The following SPAG17 variants were observed in gnomAD, a reference collection of about 807,000 sequenced individuals.
SPAG17 encodes sperm associated antigen 17.
SPAG17 carries 169 observed loss-of-function variants against 273.6 expected under a neutral mutation model. The ratio of observed to expected loss-of-function variants is 0.62; its 90% confidence interval spans 0.55 to 0.70. SPAG17 has a LOEUF of 0.70. Ranked by LOEUF, SPAG17 falls within the 30% of genes least tolerant of loss-of-function variation. The probability of loss-of-function intolerance (pLI) is 0.00; values close to 1 mark genes in which losing one functional copy is unlikely to be tolerated. For synonymous variants in SPAG17, 825 were observed against 873.2 expected (o/e 0.94, Z 0.97); for missense variants, 2,557 against 2,627.8 (o/e 0.97, Z 0.59).
rs138844983 is a variant in SPAG17, at chr1:118,165,044, A to T, written c.88-13675T>A. 1.2e-3 allele frequency among the ~76,000 whole-genome samples: 189 copies of T among 152,190 alleles called. 1 individual carries two copies. Among genetic ancestry groups the T allele is most frequent in the African/African-American group, 4.4e-3 (183 of 41,512 alleles). On this transcript the variant is annotated intron_variant, in intron 1 of 48. Transcript: ENST00000336338. ...TGCCTCACCTGTGACTATTTCCCTA[A>T]GTGTCTCAGCCCAACAGTGTCCTCT...
chr1:118,089,332 C>CGTGTGTGTGTGTGTGTGTGTGTGT (rs72374195), intron 10 of SPAG17, among the ~76,000 whole-genome samples: 1,810 of 135,922 alleles, frequency 0.013, 34 homozygotes, highest in African/African-American at 0.04. Flanking sequence ...ATGTAGATGA[C>CGTGTGTGTGTGTGTGTGTGTGTGT]GTGTGTGTGT....
intron 46 of SPAG17, among the ~76,000 whole-genome samples, chr1:117,967,618 C>G (rs926571609): frequency 3.3e-4 from 50 of 152,158 alleles, no homozygotes; most frequent in African/African-American, 1.1e-3. Context: ...AATAATGAAA[C>G]CAGTAGAGGG....
chr1:118,121,374 A>G (rs1278330700), intron 3 of SPAG17, among the ~76,000 whole-genome samples: 1 of 152,082 alleles, frequency 6.6e-6, no homozygotes, highest in Non-Finnish European at 1.5e-5. Flanking sequence ...TTAGTGATAT[A>G]TATCAGGGGG....
At chr1:118,090,159 C>CA (rs1185889659) in intron 10 of SPAG17, among the ~76,000 whole-genome samples, 1 of 152,186 alleles carries the variant, frequency 6.6e-6, no homozygotes, top group Admixed American at 6.5e-5. Context: ...CTGAAGATTA[C>CA]ATGAGTTAAC....
At chr1:118,016,888 T>C (rs1217123404) in intron 28 of SPAG17, among the ~76,000 whole-genome samples, 1 of 152,220 alleles carries the variant, frequency 6.6e-6, no homozygotes, top group African/African-American at 2.4e-5. Context: ...ACATACTCCA[T>C]TTCCATGAAT....
At chr1:117,988,343 C>A in intron 38 of SPAG17, 139 bp from the exon 39 acceptor site, 1 of 508,234 alleles carries the variant, frequency 2.0e-6, no homozygotes. Context: ...ACTTACATGA[C>A]CAAGCTGTAA....
At chr1:117,992,761 A>G in intron 35 of SPAG17, 113 bp from the exon 36 acceptor site, 1 of 934,292 alleles carries the variant, frequency 1.1e-6, no homozygotes, top group South Asian at 2.5e-5. Flanking sequence ...TTTTAGGGAC[A>G]CAGTGGTGAA....
At chr1:118,101,203 C>T (rs952289005) in intron 5 of SPAG17, among the ~76,000 whole-genome samples, 3 of 152,044 alleles carry the variant, frequency 2.0e-5, no homozygotes, top group Admixed American at 6.5e-5. Flanking sequence ...TCACTTGAGC[C>T]CAGGTGTTCA....
chr1:118,083,560 G>A (rs1469102845), intron 13 of SPAG17, among the ~76,000 whole-genome samples: 2 of 152,048 alleles, frequency 1.3e-5, no homozygotes. Context: ...ACCGAGGTGG[G>A]TATATCACGA....
chr1:117,963,677 TC>T (rs1653418483), intron 48 of SPAG17, 121 bp downstream of exon 48: 3 of 914,900 alleles, frequency 3.3e-6, no homozygotes, highest in African/African-American at 3.3e-5. Flanking sequence ...ACAAATATTT[TC>T]ATTCATTCAG....
chr1:118,060,756 C>G (rs1441423944), intron 18 of SPAG17, among the ~76,000 whole-genome samples: 1 of 152,156 alleles, frequency 6.6e-6, no homozygotes, highest in African/African-American at 2.4e-5. Context: ...AAGACTATCT[C>G]TCCTTCATTT....
intron 13 of SPAG17, among the ~76,000 whole-genome samples, chr1:118,082,692 T>A (rs376459182): frequency 8.5e-5 from 13 of 152,136 alleles, no homozygotes; most frequent in East Asian, 5.8e-4. Context: ...ACAAAAAGAA[T>A]AAAGCCAGCT....
intron 20 of SPAG17, among the ~76,000 whole-genome samples, chr1:118,050,667 G>T (rs567534236): frequency 6.6e-6 from 1 of 152,284 alleles, no homozygotes; most frequent in Non-Finnish European, 1.5e-5. Flanking sequence ...TTCAATAAAT[G>T]GTGCTGGGAA....
At chr1:118,141,691 A>T (rs1658691310) in intron 3 of SPAG17, among the ~76,000 whole-genome samples, 1 of 152,184 alleles carries the variant, frequency 6.6e-6, no homozygotes, top group Admixed American at 6.5e-5. Flanking sequence ...CACTATGGAG[A>T]TTAATTTTAA....
intron 8 of SPAG17, 51 bp from the exon 9 acceptor site, chr1:118,092,053 T>G (rs368321243): frequency 6.7e-7 from 1 of 1,486,142 alleles, no homozygotes; most frequent in Non-Finnish European, 9.4e-7. Context: ...AGCTGAGAGA[T>G]GCCCTCATCA....
intron 1 of SPAG17, among the ~76,000 whole-genome samples, chr1:118,154,567 G>A (rs1247845604): frequency 6.6e-6 from 1 of 151,990 alleles, no homozygotes; most frequent in Non-Finnish European, 1.5e-5. Flanking sequence ...AGGGTAACCA[G>A]AGATTCCAAA....
chr1:118,145,421 A>G lies in SPAG17; in HGVS notation c.315+5122T>C, dbSNP rs545673295. Among the ~76,000 whole-genome samples, 3 of 152,324 alleles carry G rather than the reference A, an allele frequency of 2.0e-5. No homozygotes were observed. In the South Asian group the frequency reaches 6.2e-4, roughly 32 times the overall value. ...AGAAAAATTTCTATACATCCAGGAA[A>G]CAGAAGTCAAAAAATGGAACTATTA... is the stretch of plus-strand genomic sequence containing the variant. On this transcript the variant is annotated intron_variant, in intron 3 of 48. Transcript: ENST00000336338.
chr1:118,074,411 C>T lies in SPAG17; in HGVS notation c.2271+128G>A, dbSNP rs527959166. On this transcript the variant is annotated intron_variant, in intron 16 of 48. Coordinates refer to ENST00000336338, the MANE Select transcript of SPAG17 (RefSeq NM_206996.4). ...CTGCTCTGGGGATGTCCGAATAGTT[C>T]CTCTTTTCTAGCCTCAGTATTCTCC... The T allele has an allele frequency of 4.3e-5, 35 of 805,526 alleles. No homozygotes were observed. The South Asian group carries it at 5.0e-4, about 12-fold the overall frequency. 49.9% of individuals were successfully genotyped at this position (805,526 alleles called of 1,614,324 possible).
At chr1:118,114,692 G>C (rs1260948205) in intron 4 of SPAG17, among the ~76,000 whole-genome samples, 1 of 152,094 alleles carries the variant, frequency 6.6e-6, no homozygotes, top group East Asian at 1.9e-4. Flanking sequence ...ATGTGAACCT[G>C]GTAGTAGTTT....
Sources: allele counts gnomAD v4.1 joint callset (sites outside exome capture counted in the v4.1 genomes callset), GRCh38; gene constraint gnomAD v4.1.1; transcripts MANE v1.5; gene names NCBI Gene and HGNC (gene_info 2026-07-23, HGNC 2026-07-21).